Variants in ANXA8 observed in about 807,000 individuals in gnomAD.
ANXA8 encodes the protein VAC-beta.
Under a neutral mutation model 26.8 loss-of-function variants are expected in ANXA8, and 9 were observed. The ratio of observed to expected loss-of-function variants is 0.34; its 90% CI spans 0.20 to 0.59. The LOEUF is 0.59. ANXA8 is among the 20% of genes least tolerant of loss of function. The pLI, the probability that ANXA8 is intolerant of heterozygous loss-of-function variation, is 0.84. For missense variants in ANXA8, 83 were observed against 238.5 expected (o/e 0.35, Z 4.29); for synonymous variants, 39 against 94.8 (o/e 0.41, Z 3.42).
the ANXA8 span, among the ~76,000 whole-genome samples, chr10:47,529,531 T>TC: frequency 8.1e-6 from 1 of 123,918 alleles, no homozygotes; most frequent in Non-Finnish European, 1.7e-5. Context: ...CATTGTTTAG[T>TC]CCTTGGAGAG....
the ANXA8 span, among the ~76,000 whole-genome samples, chr10:47,630,460 A>G: frequency 6.7e-6 from 1 of 149,988 alleles, no homozygotes; most frequent in Non-Finnish European, 1.5e-5. Context: ...AACTAAAATA[A>G]CAAATTAAAC....
At chr10:47,928,605 G>A in the ANXA8 span, among the ~76,000 whole-genome samples, 1 of 35,242 alleles carries the variant, frequency 2.8e-5, no homozygotes, top group East Asian at 6.3e-4. Flanking sequence ...GAACAAACAA[G>A]CTAACAGCCC....
the ANXA8 span, among the ~76,000 whole-genome samples, chr10:47,551,046 C>T: frequency 6.6e-6 from 1 of 150,638 alleles, no homozygotes; most frequent in African/African-American, 2.4e-5. Context: ...AAATCAATTG[C>T]TGTTCAATAA....
At chr10:47,671,441 A>G in the ANXA8 span, among the ~76,000 whole-genome samples, 3 of 151,856 alleles carry the variant, frequency 2.0e-5, no homozygotes, top group Non-Finnish European at 4.4e-5. Flanking sequence ...ACAAAACAAA[A>G]CAAAACAAAA....
chr10:47,527,936 G>A, the ANXA8 span, among the ~76,000 whole-genome samples: 6 of 149,250 alleles, frequency 4.0e-5, no homozygotes, highest in Admixed American at 2.7e-4. Flanking sequence ...AAAAGGCACA[G>A]GTGCGTGCAA....
the ANXA8 span, among the ~76,000 whole-genome samples, chr10:47,744,345 C>T: frequency 6.8e-6 from 1 of 146,158 alleles, no homozygotes; most frequent in Non-Finnish European, 1.5e-5. Flanking sequence ...CTGTGGGACC[C>T]TGAGAAACGG....
chr10:47,982,966 TC>T, the ANXA8 span, among the ~76,000 whole-genome samples: 1 of 119,070 alleles, frequency 8.4e-6, no homozygotes, highest in South Asian at 3.0e-4. Flanking sequence ...ATACTCATGA[TC>T]AAAAAGCACC....
the ANXA8 span, among the ~76,000 whole-genome samples, chr10:47,704,333 T>G: frequency 7.0e-5 from 10 of 142,982 alleles, no homozygotes; most frequent in African/African-American, 2.2e-4. Context: ...ATCATCTCAA[T>G]AGGTACAAAG....
the ANXA8 span, among the ~76,000 whole-genome samples, chr10:47,745,372 G>A: frequency 1.3e-5 from 2 of 149,226 alleles, no homozygotes; most frequent in South Asian, 2.2e-4. Flanking sequence ...TTCCCTGATA[G>A]TCTTATGAGC....
At chr10:47,670,104 G>T in the ANXA8 span, among the ~76,000 whole-genome samples, 44,171 of 146,854 alleles carry the variant, frequency 0.3, 4,247 homozygotes, top group South Asian at 0.41. Context: ...TATAAATGAA[G>T]TCATTCAGTA....
chr10:47,548,350 A>G, the ANXA8 span, among the ~76,000 whole-genome samples: 2 of 144,640 alleles, frequency 1.4e-5, no homozygotes, highest in Non-Finnish European at 3.0e-5. Context: ...TGCCCAGGCT[A>G]GAGTGCAATG....
the ANXA8 span, among the ~76,000 whole-genome samples, chr10:47,666,636 G>T: frequency 6.6e-6 from 1 of 151,832 alleles, no homozygotes; most frequent in Non-Finnish European, 1.5e-5. Context: ...GTTTCCAGGG[G>T]TCAGGTTTGT....
chr10:47,950,772 A>T, the ANXA8 span, among the ~76,000 whole-genome samples: 1 of 151,070 alleles, frequency 6.6e-6, no homozygotes, highest in South Asian at 2.1e-4. Flanking sequence ...TTTTAAAATA[A>T]TTTTTCCTAA....
the ANXA8 span, among the ~76,000 whole-genome samples, chr10:47,719,128 GAGA>G: frequency 3.2e-5 from 4 of 124,200 alleles, 1 homozygote; most frequent in African/African-American, 6.1e-5. Context: ...TTTACGTAGA[GAGA>G]AGAAGAAAAG....
At chr10:47,724,593 C>G in the ANXA8 span, among the ~76,000 whole-genome samples, 1 of 141,646 alleles carries the variant, frequency 7.1e-6, no homozygotes, top group Non-Finnish European at 1.6e-5. Flanking sequence ...TCCTAACCAC[C>G]CTTCTTTATT....
chr10:47,988,791 G>T, the ANXA8 span, among the ~76,000 whole-genome samples: 1 of 151,718 alleles, frequency 6.6e-6, no homozygotes, highest in Non-Finnish European at 1.5e-5. Context: ...GCTCAGGCTC[G>T]CTGGCTACTA....
the ANXA8 span, among the ~76,000 whole-genome samples, chr10:47,651,738 T>C: frequency 4.6e-5 from 7 of 151,506 alleles, no homozygotes; most frequent in Non-Finnish European, 1.0e-4. Flanking sequence ...CTACTAAAAA[T>C]ACAAAATTAG....
the ANXA8 span, among the ~76,000 whole-genome samples, chr10:47,696,715 G>A: frequency 7.1e-6 from 1 of 140,512 alleles, no homozygotes; most frequent in East Asian, 2.5e-4. Context: ...AGAAGTATTG[G>A]GTATCATGTT....
chr10:47,522,430 T>C, the ANXA8 span, among the ~76,000 whole-genome samples: 1 of 150,360 alleles, frequency 6.7e-6, no homozygotes, highest in Non-Finnish European at 1.5e-5. Flanking sequence ...ACAACCATTT[T>C]TCTGCAGCCC....
Sources: gnomAD v4.1 joint callset for allele counts (sites outside exome capture counted in the v4.1 genomes callset) on GRCh38, gnomAD v4.1.1 for gene constraint, MANE v1.5 for transcripts, NCBI Gene and HGNC (gene_info 2026-07-23, HGNC 2026-07-21) for gene names.